Variants in ZEB2 observed in about 807,000 individuals in gnomAD.
ZEB2 encodes zinc finger E-box binding homeobox 2, also known as zinc finger E-box-binding homeobox 2.
Under a neutral mutation model 99.9 loss-of-function variants are expected in ZEB2, and 6 were observed. That is an observed-to-expected ratio of 0.06 (90% confidence interval 0.03 to 0.12). ZEB2 has a LOEUF of 0.12. Among genes scored for constraint, ZEB2 ranks in the 10% least tolerant of loss-of-function variants. The pLI, the probability that ZEB2 is intolerant of heterozygous loss-of-function variation, is 1.00. For missense variants in ZEB2, 969 were observed against 1,502.8 expected (o/e 0.64, Z 5.87); for synonymous variants, 517 against 542.5 (o/e 0.95, Z 0.65).
At chr2:144,510,859 G>GTTT (rs1705024568) in intron 2 of ZEB2, among the ~76,000 whole-genome samples, 5 of 152,332 alleles carry the variant, frequency 3.3e-5, no homozygotes, top group Non-Finnish European at 5.9e-5. Context: ...TACTGGGAGA[G>GTTT]ACACAGCGGA....
intron 2 of ZEB2, among the ~76,000 whole-genome samples, chr2:144,485,369 C>A (rs1272164163): frequency 6.6e-6 from 1 of 152,068 alleles, no homozygotes; most frequent in Non-Finnish European, 1.5e-5. Context: ...TTCCAAAAAT[C>A]AAAATTTTTA....
intron 6 of ZEB2, among the ~76,000 whole-genome samples, chr2:144,403,374 T>C (rs552377684): frequency 6.8e-4 from 103 of 152,188 alleles, no homozygotes; most frequent in African/African-American, 2.3e-3. Flanking sequence ...ATTTATTTTA[T>C]ATATTATATA....
At chr2:144,423,987 G>C (rs1703654754) in intron 4 of ZEB2, among the ~76,000 whole-genome samples, 1 of 151,952 alleles carries the variant, frequency 6.6e-6, no homozygotes, top group African/African-American at 2.4e-5. Flanking sequence ...TGGTAGTGTA[G>C]AGGACTGTTT....
chr2:144,407,228 A>T (rs1703400027), intron 4 of ZEB2, among the ~76,000 whole-genome samples: 1 of 152,250 alleles, frequency 6.6e-6, no homozygotes, highest in African/African-American at 2.4e-5. Context: ...ACTTCTAATA[A>T]GGTTAACAAG....
chr2:144,500,762 T>C (rs1376713767), intron 2 of ZEB2, among the ~76,000 whole-genome samples: 1 of 152,176 alleles, frequency 6.6e-6, no homozygotes, highest in Non-Finnish European at 1.5e-5. Flanking sequence ...AGCTGGGGGC[T>C]GGCAAGTCTG....
rs1239275995 is a variant in ZEB2 at position 144,384,267 on chromosome 2, TAGAG to T, written c.*5180_*5183del. On this transcript the variant is annotated 3_prime_UTR_variant, in exon 10 of 10. Coordinates refer to ENST00000627532, the MANE Select transcript of ZEB2 (RefSeq NM_014795.4). ...TATAGGTAGTAGGCGACTCGTTTAA[TAGAG>T]AAAGTTTTAGCTTGTGGCATATTCA... 1 of 152,158 alleles carries T rather than the reference TAGAG, an allele frequency of 6.6e-6. No individual in the cohort carries two copies. The highest frequency in any genetic ancestry group is 1.5e-5 in the Non-Finnish European group (1 of 68,014). 9.4% of individuals were successfully genotyped at this position (152,158 alleles called of 1,614,324 possible). A position where few individuals can be genotyped will look rare whatever the true frequency, so the allele number is the denominator to read the frequency against.
intron 2 of ZEB2, among the ~76,000 whole-genome samples, chr2:144,493,175 A>C (rs1573798303): frequency 6.6e-6 from 1 of 152,090 alleles, no homozygotes; most frequent in East Asian, 1.9e-4. Flanking sequence ...AAAAGGAACG[A>C]ATATCTCAGG....
At chr2:144,519,526 T>A (rs182901503) in intron 1 of ZEB2, 125 of 164,444 alleles carry the variant, frequency 7.6e-4, no homozygotes, top group African/African-American at 2.7e-3. Context: ...TGCCAAGTCC[T>A]AATTGCTGAA....
intron 2 of ZEB2, among the ~76,000 whole-genome samples, chr2:144,465,866 T>C (rs1212230453): frequency 6.6e-6 from 1 of 152,202 alleles, no homozygotes; most frequent in East Asian, 1.9e-4. Flanking sequence ...CAGATGTGCC[T>C]TCTGCACGTG....
rs989441097 is a variant in ZEB2 at position 144,386,447 on chromosome 2, T to G, written c.*3004A>C. The G allele has an allele frequency of 6.6e-6, 1 of 152,124 alleles. No individual in the cohort carries two copies. Among genetic ancestry groups the G allele is most frequent in the Non-Finnish European group, 1.5e-5 (1 of 68,006 alleles). The allele number at this position is 152,124 out of a possible 1,614,324, so 9.4% of individuals were successfully genotyped here. Reference sequence around the variant, plus strand: ...TGATTGTCACAATTCACAAGTGTTATCCTGATATTTTCAGACTCAGGTATT... The same window carrying G: ...TGATTGTCACAATTCACAAGTGTTAGCCTGATATTTTCAGACTCAGGTATT... On this transcript the variant is annotated 3_prime_UTR_variant, in exon 10 of 10. Transcript: ENST00000627532.
chr2:144,504,099 A>AC (rs1704918484), intron 2 of ZEB2: 1 of 12,182 alleles, frequency 8.2e-5, no homozygotes. Context: ...AAAAAACAAC[A>AC]AAAAAAACAA....
intron 2 of ZEB2, among the ~76,000 whole-genome samples, chr2:144,438,801 T>C (rs545470896): frequency 3.9e-5 from 6 of 152,292 alleles, no homozygotes; most frequent in African/African-American, 1.4e-4. Flanking sequence ...ATGACATTAT[T>C]TACTGTGTAG....
At chr2:144,401,430 A>T in intron 6 of ZEB2, 123 bp from the exon 7 acceptor site, 1 of 848,122 alleles carries the variant, frequency 1.2e-6, no homozygotes, top group Non-Finnish European at 2.0e-6. Context: ...ATGCTTATTT[A>T]TCTGCTCAGT....
intron 2 of ZEB2, among the ~76,000 whole-genome samples, chr2:144,460,141 G>C (rs766027966): frequency 6.6e-6 from 1 of 152,166 alleles, no homozygotes; most frequent in African/African-American, 2.4e-5. Flanking sequence ...TGTTTTTGTT[G>C]TGGTGCTGTG....
intron 2 of ZEB2, chr2:144,511,933 G>C: frequency 7.8e-7 from 1 of 1,287,156 alleles, no homozygotes; most frequent in Non-Finnish European, 1.0e-6. Flanking sequence ...CTTTTGTGGT[G>C]ACATTTAATT....
intron 2 of ZEB2, among the ~76,000 whole-genome samples, chr2:144,471,209 A>C (rs1245027564): frequency 6.6e-6 from 1 of 152,178 alleles, no homozygotes; most frequent in Non-Finnish European, 1.5e-5. Context: ...CAAAGAGTTA[A>C]CTAGTTAAAC....
intron 2 of ZEB2, among the ~76,000 whole-genome samples, chr2:144,443,297 C>T (rs1449290115): frequency 6.6e-6 from 1 of 152,082 alleles, no homozygotes; most frequent in African/African-American, 2.4e-5. Context: ...GCTAAAGGGC[C>T]ATATGCCCTA....
At chr2:144,503,568 C>T (rs1432411237) in intron 2 of ZEB2, 1 of 152,084 alleles carries the variant, frequency 6.6e-6, no homozygotes, top group Non-Finnish European at 1.5e-5. Context: ...CTAGTAAAAA[C>T]ACCAGCCCCC....
At chr2:144,461,827 A>G (rs1704198356) in intron 2 of ZEB2, 1 of 152,024 alleles carries the variant, frequency 6.6e-6, no homozygotes, top group African/African-American at 2.4e-5. Flanking sequence ...CTTAACAGCC[A>G]AAAGATTCGG....
Sources: gnomAD v4.1 joint callset for allele counts (sites outside exome capture counted in the v4.1 genomes callset) on GRCh38, gnomAD v4.1.1 for gene constraint, MANE v1.5 for transcripts, NCBI Gene and HGNC (gene_info 2026-07-23, HGNC 2026-07-21) for gene names.